NCAPG: variants seen among roughly 807,000 people sequenced by gnomAD.
NCAPG encodes condensin complex subunit 3.
In NCAPG, 69 loss-of-function variants were observed where a neutral mutation model predicts 113.1. That is an observed-to-expected ratio of 0.61 (90% CI 0.50 to 0.75). The LOEUF is 0.75. Among genes scored for constraint, NCAPG ranks in the 30% least tolerant of loss-of-function variants. The pLI, the probability that NCAPG is intolerant of heterozygous loss-of-function variation, is 0.00. For missense variants in NCAPG, 1,058 were observed against 1,177.0 expected, an observed-to-expected ratio of 0.90 and a Z score of 1.48; for synonymous variants, 370 against 415.8, an observed-to-expected ratio of 0.89 and a Z score of 1.34.
intron 14 of NCAPG, 77 bp from the exon 15 acceptor site, chr4:17,837,082 C>A: frequency 7.7e-7 from 1 of 1,297,444 alleles, no homozygotes; most frequent in Non-Finnish European, 1.1e-6. Context: ...TGTAAAAATA[C>A]TGTAGGACAG....
intron 5 of NCAPG, among the ~76,000 whole-genome samples, chr4:17,816,135 A>G (rs765434202): frequency 5.9e-5 from 9 of 151,864 alleles, no homozygotes; most frequent in Non-Finnish European, 1.2e-4. Flanking sequence ...CATGGAAGAC[A>G]GTTTTTCCAC....
intron 6 of NCAPG, 37 bp from the exon 7 acceptor site, chr4:17,817,902 A>T (rs1721279894): frequency 1.9e-6 from 3 of 1,548,580 alleles, no homozygotes; most frequent in African/African-American, 1.4e-5. Flanking sequence ...TGATAAAAAG[A>T]TCATGCTTTC....
rs752234025 is a variant in NCAPG, at chr4:17,834,358, A to G, written c.1944A>G (p.Gln648=). 4 of 1,608,502 alleles carry G rather than the reference A, an allele frequency of 2.5e-6. No individual in the cohort carries two copies. The highest frequency in any genetic ancestry group is 1.3e-5 in the African/African-American group (1 of 74,870). Residue 648 remains glutamine (Q), a synonymous_variant, in exon 14 of 21, where the codon CAA becomes CAG. Coordinates refer to ENST00000251496, the MANE Select transcript of NCAPG (RefSeq NM_022346.5). ...GTGCTTTAAAGGCAATCTTTGACCA[A>G]CTGATGACGTTCGGGATTGAACCAT... The part of the protein sequence containing the change: ...KISALKAIFD[Q]LMTFGIEPFK...
chr4:17,828,749 G>T (rs1297839952), intron 12 of NCAPG, among the ~76,000 whole-genome samples: 2 of 151,962 alleles, frequency 1.3e-5, no homozygotes, highest in Non-Finnish European at 2.9e-5. Context: ...CACATTTTAT[G>T]CCCTGGGAAA....
chr4:17,842,484 G>A, intron 20 of NCAPG, 105 bp downstream of exon 20: 2 of 879,716 alleles, frequency 2.3e-6, no homozygotes, highest in Non-Finnish European at 3.7e-6. Context: ...TATATAACAA[G>A]ATAGTGAAAA....
intron 18 of NCAPG, 72 bp downstream of exon 18, chr4:17,840,281 T>C: frequency 7.0e-7 from 1 of 1,425,572 alleles, no homozygotes; most frequent in Non-Finnish European, 9.3e-7. Flanking sequence ...GACATATTTT[T>C]TTCTACTCTA....
chr4:17,828,596 C>G (rs1721745391), intron 12 of NCAPG, among the ~76,000 whole-genome samples: 1 of 152,002 alleles, frequency 6.6e-6, no homozygotes, highest in African/African-American at 2.4e-5. Flanking sequence ...AAATTACAGT[C>G]TTTTACATAT....
intron 7 of NCAPG, among the ~76,000 whole-genome samples, chr4:17,819,339 C>T (rs1257947701): frequency 6.6e-6 from 1 of 151,498 alleles, no homozygotes; most frequent in Non-Finnish European, 1.5e-5. Flanking sequence ...GTTGCTACAC[C>T]AAAGGATAAT....
chr4:17,827,913 C>T (rs189613977), intron 11 of NCAPG, among the ~76,000 whole-genome samples: 2 of 151,412 alleles, frequency 1.3e-5, no homozygotes, highest in African/African-American at 4.9e-5. Context: ...TCAAGCCATT[C>T]TCGTGCCTCG....
chr4:17,827,631 CTT>C (rs1721701273), intron 11 of NCAPG, among the ~76,000 whole-genome samples: 1 of 151,996 alleles, frequency 6.6e-6, no homozygotes, highest in Admixed American at 6.6e-5. Context: ...GATGAGTTCC[CTT>C]TTGGACATGT....
intron 7 of NCAPG, among the ~76,000 whole-genome samples, chr4:17,819,862 G>A (rs937229791): frequency 3.9e-5 from 6 of 152,104 alleles, no homozygotes; most frequent in African/African-American, 1.4e-4. Flanking sequence ...CTAAATCTAG[G>A]ATAAGTATCT....
At chr4:17,830,935 T>C (rs1036316966) in intron 12 of NCAPG, 62 bp from the exon 13 acceptor site, 2 of 1,533,238 alleles carry the variant, frequency 1.3e-6, no homozygotes, top group Non-Finnish European at 1.8e-6. Flanking sequence ...TTTGAGGTAA[T>C]AGACAATAGG....
Position 17,811,256 on chromosome 4 carries a change from G to A in NCAPG, c.111+68G>A. 2.2e-6 allele frequency: 2 copies of A among 928,238 alleles called. No homozygotes were observed. Among genetic ancestry groups the A allele is most frequent in the Non-Finnish European group, 3.0e-6 (2 of 661,658 alleles). 57.5% of individuals were successfully genotyped at this position (928,238 alleles called of 1,614,324 possible). On this transcript the variant is annotated intron_variant, in intron 1 of 20. Coordinates refer to ENST00000251496, the MANE Select transcript of NCAPG (RefSeq NM_022346.5). The surrounding 1 kb of genome is among the most constrained non-coding windows in gnomAD (Gnocchi z 5.3). ...GCCCACCCTCCCTCAGGGGCCCTCC[G>A]TGGCCCTCGGGCTCGGCGCACCGTG...
At chr4:17,821,865 CT>C (rs1321577336) in intron 7 of NCAPG, among the ~76,000 whole-genome samples, 2 of 152,092 alleles carry the variant, frequency 1.3e-5, no homozygotes, top group African/African-American at 4.8e-5. Flanking sequence ...ATTCTTAGTT[CT>C]GCTTTTAAGT....
chr4:17,814,000 T>A (rs1299449579), intron 3 of NCAPG, among the ~76,000 whole-genome samples: 2 of 152,130 alleles, frequency 1.3e-5, no homozygotes, highest in Non-Finnish European at 2.9e-5. Flanking sequence ...CAACCTGTAC[T>A]TAATAATTGA....
chr4:17,827,123 G>A (rs1018182601), intron 11 of NCAPG, among the ~76,000 whole-genome samples: 2 of 152,190 alleles, frequency 1.3e-5, no homozygotes, highest in African/African-American at 2.4e-5. Flanking sequence ...AGCAACATCT[G>A]TGATGGTCCA....
rs2109080309 is a variant in NCAPG at position 17,844,226 on chromosome 4, G to A, written c.*801G>A. The A allele has an allele frequency of 6.6e-6, 1 of 152,420 alleles. No individual in the cohort carries two copies. The highest frequency in any genetic ancestry group is 2.1e-4 in the South Asian group (1 of 4,818). 9.4% of individuals were successfully genotyped at this position (152,420 alleles called of 1,614,324 possible). ...TACCAATTTATGAGCACTATTCACT[G>A]TCAATTTCATTTCTTGTCTTTTGAA... On this transcript the variant is annotated 3_prime_UTR_variant, in exon 21 of 21. Transcript: ENST00000251496.
Position 17,825,471 on chromosome 4 carries a change from A to G in NCAPG, c.1563A>G (p.Leu521=). The G allele has an allele frequency of 6.2e-7, 1 of 1,610,068 alleles. No homozygotes were observed. The highest frequency in any genetic ancestry group is 1.1e-5 in the South Asian group (1 of 90,610). The stretch of plus-strand genomic sequence containing the variant: ...AGGATTTTAATCGGGCATCAGAATT[A>G]AAAGAAGAAATAAAAGCATTAGAAG... ...TLQDFNRASE[L]KEEIKALEDA... is the part of the protein sequence containing the mutation. The change falls in exon 11 of 21, where the codon TTA becomes TTG. Residue 521 remains leucine (L), a synonymous_variant. Transcript: ENST00000251496.
At position 17,818,087 on chromosome 4, in the gene NCAPG, A is replaced by G; in HGVS notation, c.1117A>G (p.Ser373Gly). 2 of 1,593,820 alleles carry G rather than the reference A, an allele frequency of 1.3e-6. No homozygotes were observed. The highest frequency in any genetic ancestry group is 1.7e-6 in the Non-Finnish European group (2 of 1,172,752). Residue 373 changes from serine to glycine, a missense_variant and splice_region_variant, in exon 7 of 21, where the codon AGT (serine) becomes GGT (glycine). Transcript: ENST00000251496. ...TGTAGTATATGCAGACTATTTATTGAGGTAAATTTTTTTTCTTTTAGTTTG... is the reference window on the plus strand; with the variant it reads ...TGTAGTATATGCAGACTATTTATTGGGGTAAATTTTTTTTCTTTTAGTTTG... ...EPVVYADYLL[S>G]YIQSIPVVNE...
Sources: gnomAD v4.1 joint callset for allele counts (sites outside exome capture counted in the v4.1 genomes callset) on GRCh38, gnomAD v4.1.1 for gene constraint, Gnocchi (gnomAD v3.1) non-coding constraint, MANE v1.5 for transcripts, NCBI Gene and HGNC (gene_info 2026-07-23, HGNC 2026-07-21) for gene names.